Variants in ANXA2 observed in about 807,000 individuals in gnomAD.
The protein encoded by ANXA2 is annexin II.
ANXA2 carries 28 observed loss-of-function variants against 47.3 expected under a neutral mutation model. The ratio of observed to expected loss-of-function variants is 0.59; its 90% CI spans 0.44 to 0.81. ANXA2 has a LOEUF of 0.81. Ranked by LOEUF, ANXA2 falls within the 40% of genes least tolerant of loss-of-function variation. ANXA2 has a pLI of 0.00. For synonymous variants in ANXA2, 172 were observed against 155.5 expected (o/e 1.11, Z -0.79); for missense variants, 384 against 414.3 (o/e 0.93, Z 0.64).
chr15:60,375,532 C>G (rs79334919), intron 3 of ANXA2, among the ~76,000 whole-genome samples: 21 of 152,280 alleles, frequency 1.4e-4, no homozygotes, highest in African/African-American at 4.8e-4. Flanking sequence ...ATATATTTAA[C>G]CCAAGGCCAA....
intron 1 of ANXA2, among the ~76,000 whole-genome samples, chr15:60,395,418 G>A (rs564295426): frequency 2.6e-5 from 4 of 152,138 alleles, no homozygotes; most frequent in South Asian, 4.2e-4. Flanking sequence ...TGACAATCCC[G>A]CTCTCCTTTA....
At chr15:60,391,055 G>C (rs1261778908) in intron 1 of ANXA2, 1 of 152,256 alleles carries the variant, frequency 6.6e-6, no homozygotes, top group African/African-American at 2.4e-5. Flanking sequence ...TATATTAAAG[G>C]ATACAAAAGA....
chr15:60,377,121 T>A (rs541199806), intron 3 of ANXA2, among the ~76,000 whole-genome samples: 76 of 152,162 alleles, frequency 5.0e-4, no homozygotes, highest in African/African-American at 1.7e-3. Context: ...CGATGAAGGG[T>A]TAGAGGTGGG....
At chr15:60,393,405 G>A (rs1037095381) in intron 1 of ANXA2, 1 of 1,012,982 alleles carries the variant, frequency 9.9e-7, no homozygotes, top group African/African-American at 1.7e-5. Flanking sequence ...AGTGTTTTAT[G>A]GCCCACATAT....
chr15:60,365,333 T>C (rs567498040), intron 3 of ANXA2, among the ~76,000 whole-genome samples: 25 of 152,238 alleles, frequency 1.6e-4, no homozygotes, highest in African/African-American at 6.0e-4. Context: ...CAATTTCATA[T>C]CAGAAATACT....
rs766671233 is a variant in ANXA2, at chr15:60,386,058, T to A, written c.18A>T (p.Glu6Asp). The A allele has an allele frequency of 3.7e-6, 6 of 1,613,002 alleles. No homozygotes were observed. The African/African-American group carries it at 8.0e-5, about 22-fold the overall frequency. The part of the protein sequence containing the change: MSTVH[E>D]ILCKLSLEGD... The stretch of plus-strand genomic sequence containing the variant: ...CCTCCAAGCTGAGCTTGCACAGGAT[T>A]TCGTGAACAGTAGACATTTTGAAGG... Residue 6 changes from glutamate (E) to aspartate (D), a missense_variant, in exon 2 of 13, where the codon GAA becomes GAT. Transcript: ENST00000451270.
chr15:60,384,019 A>G (rs572224984), intron 2 of ANXA2: 52 of 152,338 alleles, frequency 3.4e-4, no homozygotes, highest in African/African-American at 1.2e-3. Context: ...AATCCAGTTC[A>G]TATTTATAAC....
chr15:60,364,241 C>T (rs1019860862), intron 4 of ANXA2, among the ~76,000 whole-genome samples, 188 bp downstream of exon 4: 2 of 152,216 alleles, frequency 1.3e-5, no homozygotes, highest in African/African-American at 2.4e-5. Context: ...GAGGTGCACG[C>T]GCGCGTGCAC....
chr15:60,391,624 G>C (rs540642004), intron 1 of ANXA2, among the ~76,000 whole-genome samples: 16 of 152,266 alleles, frequency 1.1e-4, no homozygotes, highest in African/African-American at 2.9e-4. Flanking sequence ...ATTTGCTCTG[G>C]AGGCAGAATT....
In ANXA2 at chr15:60,357,254, C is replaced by G. The variant is rs200119404; in HGVS notation, c.358-18G>C. On this transcript the variant is annotated intron_variant, in intron 5 of 12. Transcript: ENST00000451270. ...CCCAGCCCCTGTGAACCAGGAAGCA[C>G]GAACATCAGCAGGGAAATGCTTCCC... is the stretch of plus-strand genomic sequence containing the variant. The G allele has an allele frequency of 1.2e-6, 2 of 1,605,142 alleles. No homozygotes were observed. Among genetic ancestry groups the G allele is most frequent in the Admixed American group, 3.3e-5 (2 of 59,982 alleles).
In ANXA2 at chr15:60,378,740, C is replaced by T. The variant is rs1012220239; in HGVS notation, c.148+3602G>A. 5.9e-5 allele frequency among the ~76,000 whole-genome samples: 9 copies of T among 151,904 alleles called. No homozygotes were observed. In the East Asian group the frequency reaches 1.2e-3, roughly 20 times the overall value. On this transcript the variant is annotated intron_variant, in intron 3 of 12. Coordinates refer to ENST00000451270, the MANE Select transcript of ANXA2 (RefSeq NM_004039.3). ...CAGCACTTTGGGAGGCTGAGGTCAG[C>T]GGATCACTTGAGGCCAGGAGTTCGA...
At chr15:60,354,780 C>G (rs1396959727) in intron 7 of ANXA2, among the ~76,000 whole-genome samples, 1 of 152,114 alleles carries the variant, frequency 6.6e-6, no homozygotes, top group African/African-American at 2.4e-5. Flanking sequence ...TTACAGAATC[C>G]CTGTCCCCAT....
intron 3 of ANXA2, among the ~76,000 whole-genome samples, chr15:60,376,104 G>C (rs773778161): frequency 1.3e-5 from 2 of 152,076 alleles, no homozygotes; most frequent in Non-Finnish European, 2.9e-5. Context: ...TAGGCCAGGC[G>C]CAGTGGCTCA....
chr15:60,357,207 A>G lies in ANXA2; in HGVS notation c.387T>C (p.Ile129=). 1 of 1,612,312 alleles carries G rather than the reference A, an allele frequency of 6.2e-7. No individual in the cohort carries two copies. ...KGLGTDEDSL[I]EIICSRTNQE... ...GGTTGGTTCTGGAGCAGATGATCTC[A>G]ATGAGAGAGTCCTCGTCGGTTCCCA... Residue 129 remains isoleucine, a synonymous_variant, in exon 6 of 13, where the codon ATT becomes ATC. Transcript: ENST00000451270.
At chr15:60,349,371 C>T (rs1289029571) in intron 11 of ANXA2, among the ~76,000 whole-genome samples, 174 bp from the exon 12 acceptor site, 1 of 152,188 alleles carries the variant, frequency 6.6e-6, no homozygotes, top group East Asian at 1.9e-4. Flanking sequence ...CAGCACTTAA[C>T]ACAAACTGTT....
chr15:60,363,069 T>C (rs867000221), intron 4 of ANXA2: 14 of 146,836 alleles, frequency 9.5e-5, no homozygotes, highest in African/African-American at 3.5e-4. Context: ...GTTTCAGGCT[T>C]CTATGTGTGT....
At chr15:60,375,967 T>TA (rs1165308623) in intron 3 of ANXA2, among the ~76,000 whole-genome samples, 1 of 152,086 alleles carries the variant, frequency 6.6e-6, no homozygotes, top group Non-Finnish European at 1.5e-5. Context: ...GGAAGGAGGC[T>TA]ACACGCTCCT....
chr15:60,355,225 G>A lies in ANXA2; in HGVS notation c.528+694C>T, dbSNP rs144163512. Among the ~76,000 whole-genome samples the A allele has an allele frequency of 2.4e-3, 366 of 152,338 alleles. 1 individual carries two copies. The highest frequency in any genetic ancestry group is 0.01 in the Middle Eastern group (3 of 294). On this transcript the variant is annotated intron_variant, in intron 7 of 12. Transcript: ENST00000451270. ...AACAGAGGAGTAAAATGGTGAAAGT[G>A]TATTTCACAGAGATCCGTGGATGGT...
chr15:60,357,150 C>T lies in ANXA2; in HGVS notation c.444G>A (p.Lys148=), dbSNP rs746104221. The T allele has an allele frequency of 8.7e-6, 14 of 1,613,676 alleles. No homozygotes were observed. The highest frequency in any genetic ancestry group is 9.3e-6 in the Non-Finnish European group (11 of 1,179,824). ...QELQEINRVY[K]EMYKTDLEKD... is the part of the protein sequence containing the mutation. ...CACAGAAATCAAGCTACTCACTTTC[C>T]TTGTAGACTCTGTTAATTTCCTGCA... The change falls in exon 6 of 13, where the codon AAG becomes AAA. Residue 148 remains lysine (K), a synonymous_variant. Coordinates refer to ENST00000451270, the MANE Select transcript of ANXA2 (RefSeq NM_004039.3).
Sources: allele counts gnomAD v4.1 joint callset (sites outside exome capture counted in the v4.1 genomes callset), GRCh38; gene constraint gnomAD v4.1.1; transcripts MANE v1.5; gene names NCBI Gene and HGNC (gene_info 2026-07-23, HGNC 2026-07-21).